Variants in ZNF410 observed in about 807,000 individuals in gnomAD.
ZNF410 encodes the protein another partner for ARF 1.
A neutral mutation model predicts 54.8 loss-of-function variants in ZNF410; 18 were observed. That is an observed-to-expected ratio of 0.33 (90% CI 0.23 to 0.49). The LOEUF (loss-of-function observed/expected upper bound fraction) is 0.49. Ranked by LOEUF, ZNF410 falls within the 20% of genes least tolerant of loss-of-function variation. ZNF410 has a pLI of 0.99. For missense variants in ZNF410, 405 were observed against 569.6 expected (o/e 0.71, Z 2.94); for synonymous variants, 191 against 207.3 (o/e 0.92, Z 0.68).
At chr14:73,908,876 G>C (rs1270085266) in intron 7 of ZNF410, among the ~76,000 whole-genome samples, 1 of 152,020 alleles carries the variant, frequency 6.6e-6, no homozygotes, top group Non-Finnish European at 1.5e-5. Flanking sequence ...CTCTCTCTCT[G>C]TAGCCCAGGC....
intron 11 of ZNF410, among the ~76,000 whole-genome samples, chr14:73,926,290 T>C (rs950882377): frequency 6.6e-6 from 1 of 152,184 alleles, no homozygotes; most frequent in Non-Finnish European, 1.5e-5. Flanking sequence ...CTCAAAAATA[T>C]CTTATGGTTG....
Position 73,931,970 on chromosome 14 carries a change from T to G in ZNF410, c.*429T>G, listed in dbSNP as rs554478301. On this transcript the variant is annotated 3_prime_UTR_variant, in exon 12 of 12. Transcript: ENST00000555044. Reference sequence around the variant, plus strand: ...CAGAGCTTCACCAGGAAGTTGAGTTTTCAAGATGCCTTGTTGCTTTGAAGA... The same window carrying G: ...CAGAGCTTCACCAGGAAGTTGAGTTGTCAAGATGCCTTGTTGCTTTGAAGA... The G allele has an allele frequency of 2.0e-4, 92 of 456,790 alleles. 2 individuals are homozygous for G. Among genetic ancestry groups the G allele is most frequent in the South Asian group, 1.4e-3 (88 of 64,554 alleles). 28.3% of individuals were successfully genotyped at this position (456,790 alleles called of 1,614,324 possible).
At chr14:73,916,690 T>C (rs2055672246) in intron 8 of ZNF410, 1 of 152,074 alleles carries the variant, frequency 6.6e-6, no homozygotes, top group South Asian at 2.1e-4. Flanking sequence ...GTTGTCATCG[T>C]TGGCAGGGCG....
Position 73,906,473 on chromosome 14 carries a change from T to A in ZNF410, c.913+1390T>A, listed in dbSNP as rs1412987062. 2.6e-5 allele frequency: 4 copies of A among 152,082 alleles called. No individual in the cohort carries two copies. In the East Asian group the frequency reaches 5.8e-4, roughly 22 times the overall value. 9.4% of individuals were successfully genotyped at this position (152,082 alleles called of 1,614,324 possible). ...CCTCTGAACATCATCTTAAAATGCTTTCTTTTTTCTTATTTATTTATTTTT... is the reference window on the plus strand; with the variant it reads ...CCTCTGAACATCATCTTAAAATGCTATCTTTTTTCTTATTTATTTATTTTT... On this transcript the variant is annotated intron_variant, in intron 7 of 11. Coordinates refer to ENST00000555044, the MANE Select transcript of ZNF410 (RefSeq NM_021188.3).
At chr14:73,896,198 A>G (rs2055314836) in intron 3 of ZNF410, 118 bp from the exon 4 acceptor site, 1 of 708,892 alleles carries the variant, frequency 1.4e-6, no homozygotes, top group Admixed American at 2.8e-5. Flanking sequence ...GTGTAATGAG[A>G]ATGCTGTCTG....
intron 6 of ZNF410, 69 bp downstream of exon 6, chr14:73,904,179 G>GC: frequency 6.5e-7 from 1 of 1,540,616 alleles, no homozygotes; most frequent in Non-Finnish European, 8.8e-7. Flanking sequence ...AGAGGAACTT[G>GC]CCCCTCAGGT....
At chr14:73,911,994 A>T (rs569522587) in intron 8 of ZNF410, among the ~76,000 whole-genome samples, 16 of 152,232 alleles carry the variant, frequency 1.1e-4, no homozygotes, top group South Asian at 8.3e-4. Context: ...AATGTAAGTA[A>T]GCTCTAAAAG....
At chr14:73,920,191 G>C (rs1410670889) in intron 8 of ZNF410, 1 of 152,066 alleles carries the variant, frequency 6.6e-6, no homozygotes, top group Non-Finnish European at 1.5e-5. Flanking sequence ...AATCAGCAAT[G>C]ATGATTGCTG....
chr14:73,925,433 CTT>C lies in ZNF410; in HGVS notation c.1398+1924_1398+1925del, dbSNP rs58959688. On this transcript the variant is annotated intron_variant, in intron 11 of 11. Transcript: ENST00000555044. Reference sequence around the variant, plus strand: ...GCTCACACCTGTCTCCTAACTTTGACTTTTTTTTTTTTTTGAGATGGAGTCCC... The same window carrying C: ...GCTCACACCTGTCTCCTAACTTTGACTTTTTTTTTTTTGAGATGGAGTCCC... 1.2e-4 allele frequency among the ~76,000 whole-genome samples: 17 copies of C among 144,380 alleles called. No homozygotes were observed. The East Asian group carries it at 1.4e-3, about 12-fold the overall frequency. The allele number at this position is 144,380 out of a possible 152,430, so 94.7% of individuals were successfully genotyped here. A position where few individuals can be genotyped will look rare whatever the true frequency, so the allele number is the denominator to read the frequency against.
chr14:73,903,232 A>G (rs749660693), intron 5 of ZNF410, among the ~76,000 whole-genome samples: 21 of 152,222 alleles, frequency 1.4e-4, no homozygotes, highest in Admixed American at 6.5e-5. Context: ...GGACACAAGC[A>G]AAATACAGAG....
At chr14:73,905,991 A>ATATG (rs1555353443) in intron 7 of ZNF410, among the ~76,000 whole-genome samples, 28 of 141,790 alleles carry the variant, frequency 2.0e-4, no homozygotes, top group African/African-American at 7.2e-4. Context: ...ATATATATAT[A>ATATG]TATACACACA....
intron 1 of ZNF410, among the ~76,000 whole-genome samples, chr14:73,887,900 A>C (rs193186016): frequency 6.6e-6 from 1 of 152,056 alleles, no homozygotes; most frequent in Non-Finnish European, 1.5e-5. Flanking sequence ...GGCTATGACA[A>C]TTTTTCCGAG....
At chr14:73,889,698 A>G (rs1461814435) in intron 1 of ZNF410, among the ~76,000 whole-genome samples, 1 of 152,184 alleles carries the variant, frequency 6.6e-6, no homozygotes, top group African/African-American at 2.4e-5. Context: ...CAGTGCTTGA[A>G]TAAGAAAAAT....
chr14:73,894,313 C>T, intron 3 of ZNF410: 1 of 701,870 alleles, frequency 1.4e-6, no homozygotes, highest in Non-Finnish European at 2.6e-6. Flanking sequence ...TACTGACAGG[C>T]CCAGTGAAAT....
chr14:73,924,171 C>T (rs908491021), intron 11 of ZNF410, among the ~76,000 whole-genome samples: 13 of 152,086 alleles, frequency 8.5e-5, no homozygotes, highest in Admixed American at 2.6e-4. Flanking sequence ...CACCAGGGAC[C>T]GGTTTCGTTT....
At chr14:73,901,231 A>G (rs938351883) in intron 5 of ZNF410, among the ~76,000 whole-genome samples, 1 of 152,202 alleles carries the variant, frequency 6.6e-6, no homozygotes, top group Non-Finnish European at 1.5e-5. Flanking sequence ...ATTACTTACA[A>G]ATTGTCTAAG....
At chr14:73,905,677 G>T (rs1422750737) in intron 7 of ZNF410, 1 of 152,122 alleles carries the variant, frequency 6.6e-6, no homozygotes, top group East Asian at 1.9e-4. Context: ...ACTTGGTCCA[G>T]CGTGAGCTAG....
At position 73,904,083 on chromosome 14, in the gene ZNF410, A is replaced by G; in HGVS notation, c.704A>G (p.His235Arg). 2 of 1,614,174 alleles carry G rather than the reference A, an allele frequency of 1.2e-6. No homozygotes were observed. The highest frequency in any genetic ancestry group is 1.7e-6 in the Non-Finnish European group (2 of 1,180,014). Residue 235 changes from histidine (H) to arginine (R), a missense_variant, in exon 6 of 12, where the codon CAC becomes CGC. This residue lies in a region of ZNF410 where 247 missense variants were observed against 342.8 expected (regional missense o/e 0.72). Transcript: ENST00000555044. The part of the protein sequence containing the change: ...GCDRTFVWPA[H>R]FKYHLKTHRN... The stretch of plus-strand genomic sequence containing the variant: ...GACCGGACATTTGTATGGCCAGCTC[A>G]CTTTAAATACCACCTCAAGACTCAT...
At chr14:73,904,799 T>G in intron 6 of ZNF410, 103 bp from the exon 7 acceptor site, 2 of 1,311,826 alleles carry the variant, frequency 1.5e-6, no homozygotes, top group Non-Finnish European at 2.1e-6. Flanking sequence ...TATATCCAGT[T>G]TTTGGACTTA....
Sources: allele counts gnomAD v4.1 joint callset (sites outside exome capture counted in the v4.1 genomes callset), GRCh38; gene constraint gnomAD v4.1.1; regional missense constraint gnomAD v4.1.1; transcripts MANE v1.5; gene names NCBI Gene and HGNC (gene_info 2026-07-23, HGNC 2026-07-21).